The following AMD1 variants were observed in gnomAD, a reference collection of about 807,000 sequenced individuals.
AMD1 encodes adenosylmethionine decarboxylase 1, also known as S-adenosylmethionine decarboxylase proenzyme.
Under a neutral mutation model 40.2 loss-of-function variants are expected in AMD1, and 11 were observed. The ratio of observed to expected loss-of-function variants is 0.27; its 90% confidence interval spans 0.17 to 0.45. The LOEUF (loss-of-function observed/expected upper bound fraction) is 0.45. AMD1 is among the 20% of genes least tolerant of loss of function. AMD1 has a pLI of 1.00. For synonymous variants in AMD1, 121 were observed against 130.8 expected (o/e 0.93, Z 0.51); for missense variants, 257 against 410.2 (o/e 0.63, Z 3.23).
chr6:110,867,619 G>A, the AMD1 span, among the ~76,000 whole-genome samples: 21 of 152,244 alleles, frequency 1.4e-4, 1 homozygote, highest in East Asian at 7.7e-4. Flanking sequence ...AGCCAAGATC[G>A]TGCTACTGCA....
rs771198273 is a variant in AMD1, at chr6:110,887,519, T to G, written c.125T>G (p.Ile42Arg). Residue 42 changes from isoleucine to arginine, a missense_variant, in exon 2 of 9, where the codon ATA (isoleucine) becomes AGA (arginine). Transcript: ENST00000368885. The part of the protein sequence containing the change: ...LRTIPRSEWD[I>R]LLKDVQCSII... ...TTAAATGATAGATCTGAGTGGGACATACTTTTGAAGGATGTGCAATGTTCA... is the reference window on the plus strand; with the variant it reads ...TTAAATGATAGATCTGAGTGGGACAGACTTTTGAAGGATGTGCAATGTTCA... 3.7e-6 allele frequency: 6 copies of G among 1,607,554 alleles called. No homozygotes were observed. The South Asian group carries it at 6.7e-5, about 18-fold the overall frequency.
intron 6 of AMD1, 82 bp downstream of exon 6, chr6:110,892,525 TC>T (rs1786081033): frequency 1.3e-6 from 2 of 1,581,252 alleles, no homozygotes; most frequent in Non-Finnish European, 1.7e-6. Flanking sequence ...ACTTTTAAGT[TC>T]AGGGTAACAA....
At chr6:110,864,508 T>C in the AMD1 span, 7 of 153,078 alleles carry the variant, frequency 4.6e-5, no homozygotes, top group East Asian at 5.8e-4. Flanking sequence ...AAATGTTTTA[T>C]ACAAAAAAAT....
intron 1 of AMD1, among the ~76,000 whole-genome samples, chr6:110,880,135 T>C (rs567294380): frequency 2.4e-4 from 37 of 152,320 alleles, no homozygotes; most frequent in African/African-American, 8.2e-4. Flanking sequence ...TTTGTATTTT[T>C]AGTAAAAGAC....
the AMD1 span, among the ~76,000 whole-genome samples, chr6:110,829,311 C>T: frequency 2.6e-5 from 4 of 151,398 alleles, no homozygotes; most frequent in South Asian, 8.3e-4. Flanking sequence ...GCAGGCGGAT[C>T]CCTTGAGCCC....
upstream of AMD1, among the ~76,000 whole-genome samples, chr6:110,873,487 T>C (rs1340705509): frequency 2.0e-5 from 3 of 152,240 alleles, no homozygotes; most frequent in Non-Finnish European, 4.4e-5. Context: ...ACAGGGTATC[T>C]AGAGTGCAAA....
chr6:110,815,239 T>A, the AMD1 span: 3 of 1,148,828 alleles, frequency 2.6e-6, no homozygotes, highest in Non-Finnish European at 3.3e-6. Flanking sequence ...AACAGCCGCC[T>A]CTCGCGCGCG....
the AMD1 span, among the ~76,000 whole-genome samples, chr6:110,847,221 G>A: frequency 1.3e-5 from 2 of 152,062 alleles, no homozygotes; most frequent in African/African-American, 4.8e-5. Flanking sequence ...TGTAGCCCAA[G>A]GTTAGAATTT....
At chr6:110,832,300 C>G in the AMD1 span, among the ~76,000 whole-genome samples, 1 of 151,648 alleles carries the variant, frequency 6.6e-6, no homozygotes, top group South Asian at 2.1e-4. Flanking sequence ...CCACCGTGCC[C>G]AGCCCATGCC....
chr6:110,890,013 A>AAAGAG (rs1785922682), intron 3 of AMD1: 1 of 358,836 alleles, frequency 2.8e-6, no homozygotes, highest in Non-Finnish European at 5.0e-6. Flanking sequence ...TTTTAAAAAA[A>AAAGAG]AGAGAGAGAG....
the AMD1 span, among the ~76,000 whole-genome samples, chr6:110,855,700 T>C: frequency 3.3e-5 from 5 of 152,090 alleles, no homozygotes; most frequent in Non-Finnish European, 5.9e-5. Flanking sequence ...TGCAAAAAGG[T>C]AGAGTGACAA....
chr6:110,843,272 G>A, the AMD1 span, among the ~76,000 whole-genome samples: 1 of 151,850 alleles, frequency 6.6e-6, no homozygotes, highest in Non-Finnish European at 1.5e-5. Context: ...AGACTAGCCT[G>A]GCCAACATGG....
At chr6:110,853,286 C>T in the AMD1 span, among the ~76,000 whole-genome samples, 7 of 149,654 alleles carry the variant, frequency 4.7e-5, no homozygotes, top group East Asian at 4.0e-4. Flanking sequence ...CCATGTTCAG[C>T]GAATTTTGGG....
At chr6:110,888,326 T>A (rs1785812074) in intron 2 of AMD1, 1 of 152,324 alleles carries the variant, frequency 6.6e-6, no homozygotes, top group African/African-American at 2.4e-5. Flanking sequence ...CCCCCCTTTT[T>A]TTTTCTGAGG....
the AMD1 span, among the ~76,000 whole-genome samples, chr6:110,854,636 T>C: frequency 3.9e-5 from 6 of 152,054 alleles, no homozygotes; most frequent in South Asian, 6.2e-4. Flanking sequence ...TTTGTAGAGA[T>C]GGGATTTCAC....
chr6:110,815,108 G>A, the AMD1 span: 3 of 1,601,672 alleles, frequency 1.9e-6, no homozygotes, highest in Non-Finnish European at 2.6e-6. Flanking sequence ...CCGCTCCGCC[G>A]CCAGCTTCGC....
chr6:110,887,693 T>C, intron 2 of AMD1, 102 bp downstream of exon 2: 1 of 866,946 alleles, frequency 1.2e-6, no homozygotes, highest in South Asian at 2.3e-5. Context: ...TTTTTTTGTT[T>C]TGTTTTGTTT....
the AMD1 span, among the ~76,000 whole-genome samples, chr6:110,835,306 C>T: frequency 1.3e-5 from 2 of 152,026 alleles, no homozygotes; most frequent in Non-Finnish European, 2.9e-5. Context: ...GCATGAGCCA[C>T]CGCACCCGGC....
At chr6:110,860,833 CCACACACACA>C in the AMD1 span, among the ~76,000 whole-genome samples, 15 of 128,120 alleles carry the variant, frequency 1.2e-4, no homozygotes, top group Non-Finnish European at 1.7e-4. Flanking sequence ...AAACACCCAC[CCACACACACA>C]CACACACACA....
Sources: gnomAD v4.1 joint callset for allele counts (sites outside exome capture counted in the v4.1 genomes callset) on GRCh38, gnomAD v4.1.1 for gene constraint, MANE v1.5 for transcripts, NCBI Gene and HGNC (gene_info 2026-07-23, HGNC 2026-07-21) for gene names.